The following ZNF521 variants were observed in gnomAD, a reference collection of about 807,000 sequenced individuals.
The protein encoded by ZNF521 is zinc finger protein 521.
ZNF521 carries 14 observed loss-of-function variants against 105.5 expected under a neutral mutation model. The ratio of observed to expected loss-of-function variants is 0.13; its 90% confidence interval spans 0.09 to 0.21. The LOEUF is 0.21. ZNF521 is among the 10% of genes least tolerant of loss of function. The pLI is 1.00. For missense variants in ZNF521, 1,233 were observed against 1,629.7 expected (o/e 0.76, Z 4.19); for synonymous variants, 635 against 606.0 (o/e 1.05, Z -0.70).
At chr18:25,333,082 A>G (rs1195713627) in intron 2 of ZNF521, among the ~76,000 whole-genome samples, 1 of 151,790 alleles carries the variant, frequency 6.6e-6, no homozygotes, top group African/African-American at 2.4e-5. Flanking sequence ...ATATGTATAT[A>G]TACATATATA....
At chr18:25,351,544 G>A (rs45579131) in intron 1 of ZNF521, 47,516 of 150,962 alleles carry the variant, frequency 0.31, 7,910 homozygotes, top group Middle Eastern at 0.36. Context: ...ACGAGGGGGG[G>A]AAATCGACCC....
At chr18:25,350,319 CGGTGCCCGCGGCCGGCGGCCGGGGTCT>C (rs1475738212) in intron 2 of ZNF521, among the ~76,000 whole-genome samples, 1 of 151,856 alleles carries the variant, frequency 6.6e-6, no homozygotes, top group Non-Finnish European at 1.5e-5. Context: ...AGCCGGGGTC[CGGTGCCCGCGGCCGGCGGCCGGGGTCT>C]GTTTACTCCG....
intron 4 of ZNF521, among the ~76,000 whole-genome samples, chr18:25,214,667 A>G (rs540424906): frequency 2.0e-5 from 3 of 152,300 alleles, no homozygotes; most frequent in South Asian, 4.1e-4. Context: ...TTTAAAATGT[A>G]TGATTTTAAG....
intron 3 of ZNF521, among the ~76,000 whole-genome samples, chr18:25,271,424 T>C (rs899311314): frequency 1.3e-5 from 2 of 151,996 alleles, no homozygotes; most frequent in African/African-American, 4.8e-5. Flanking sequence ...CTACTTGAAA[T>C]TTCATATGGA....
chr18:25,159,107 G>A (rs1361023533), intron 5 of ZNF521, among the ~76,000 whole-genome samples: 3 of 152,098 alleles, frequency 2.0e-5, no homozygotes, highest in Non-Finnish European at 4.4e-5. Context: ...TTGCCCGGTT[G>A]CCCCCATTCA....
intron 3 of ZNF521, among the ~76,000 whole-genome samples, chr18:25,272,036 G>C (rs1041768481): frequency 1.3e-5 from 2 of 152,052 alleles, no homozygotes; most frequent in Non-Finnish European, 2.9e-5. Context: ...CTAATATCCT[G>C]AATCTACAAA....
At chr18:25,296,385 AT>A (rs1427796900) in intron 3 of ZNF521, among the ~76,000 whole-genome samples, 1 of 152,136 alleles carries the variant, frequency 6.6e-6, no homozygotes, top group Admixed American at 6.5e-5. Context: ...TTCAGCATCA[AT>A]TTCATATATG....
At chr18:25,224,147 C>G in intron 4 of ZNF521, 198 bp downstream of exon 4, 1 of 594,830 alleles carries the variant, frequency 1.7e-6, no homozygotes, top group Admixed American at 3.0e-5. Flanking sequence ...CTATTTTGCA[C>G]CATTCAAGCC....
intron 5 of ZNF521, among the ~76,000 whole-genome samples, chr18:25,149,298 T>C (rs2035002903): frequency 6.6e-6 from 1 of 152,212 alleles, no homozygotes; most frequent in African/African-American, 2.4e-5. Context: ...TCAGTCTGCG[T>C]GTGTTATGGG....
chr18:25,317,273 G>T (rs7236481), intron 3 of ZNF521, among the ~76,000 whole-genome samples: 125,169 of 152,050 alleles, frequency 0.82, 51,860 homozygotes, highest in African/African-American at 0.92. Flanking sequence ...TTTAAAAAAT[G>T]TAACTCATAA....
chr18:25,340,746 G>T (rs903753957), intron 2 of ZNF521, among the ~76,000 whole-genome samples: 1 of 152,130 alleles, frequency 6.6e-6, no homozygotes, highest in Non-Finnish European at 1.5e-5. Context: ...TTAGTATAGG[G>T]CAGGCAACTG....
At chr18:25,209,279 G>A (rs910355194) in intron 4 of ZNF521, among the ~76,000 whole-genome samples, 6 of 151,758 alleles carry the variant, frequency 4.0e-5, no homozygotes, top group Admixed American at 2.0e-4. Flanking sequence ...CTACAGGCGC[G>A]CGCCACCACA....
rs148728045 is a variant in ZNF521 at position 25,242,713 on chromosome 18, G to A, written c.221-15016C>T. 2.6e-3 allele frequency among the ~76,000 whole-genome samples: 391 copies of A among 152,244 alleles called. 3 individuals carry two copies. The highest frequency in any genetic ancestry group is 6.8e-3 in the Middle Eastern group (2 of 294). On this transcript the variant is annotated intron_variant, in intron 3 of 7. Transcript: ENST00000361524. ...TTTTCTCATTGTTTAGCTATCGAATGTAGTGGGTGATTCTTGTTCTATACT... is the reference window on the plus strand; with the variant it reads ...TTTTCTCATTGTTTAGCTATCGAATATAGTGGGTGATTCTTGTTCTATACT...
At chr18:25,343,869 A>G (rs993918755) in intron 2 of ZNF521, among the ~76,000 whole-genome samples, 8 of 152,222 alleles carry the variant, frequency 5.3e-5, no homozygotes, top group African/African-American at 1.9e-4. Flanking sequence ...TTACACAGTC[A>G]TATTGGAATC....
chr18:25,084,732 G>T (rs1412786283), intron 7 of ZNF521, among the ~76,000 whole-genome samples: 2 of 152,144 alleles, frequency 1.3e-5, no homozygotes, highest in African/African-American at 4.8e-5. Context: ...TTTATAACAA[G>T]AGGCCTGACA....
intron 7 of ZNF521, 115 bp from the exon 8 acceptor site, chr18:25,062,856 T>A (rs895758503): frequency 9.9e-7 from 1 of 1,005,544 alleles, no homozygotes; most frequent in Non-Finnish European, 1.4e-6. Context: ...TGTAATTAAT[T>A]CATAATGACT....
intron 3 of ZNF521, chr18:25,303,101 A>G (rs1337757070): frequency 6.6e-6 from 1 of 152,146 alleles, no homozygotes; most frequent in East Asian, 1.9e-4. Flanking sequence ...ACATGGTGAC[A>G]TGAACTCTGG....
chr18:25,099,847 C>G (rs1040786719), intron 5 of ZNF521, among the ~76,000 whole-genome samples: 1 of 152,304 alleles, frequency 6.6e-6, no homozygotes, highest in South Asian at 2.1e-4. Context: ...AAAACCCCCA[C>G]AAATTGGTAA....
At chr18:25,095,639 A>G (rs1393972135) in intron 5 of ZNF521, among the ~76,000 whole-genome samples, 2 of 152,130 alleles carry the variant, frequency 1.3e-5, no homozygotes, top group Non-Finnish European at 2.9e-5. Context: ...ACCTTTTCTA[A>G]ACCCTATTAA....
Sources: allele counts gnomAD v4.1 joint callset (sites outside exome capture counted in the v4.1 genomes callset), GRCh38; gene constraint gnomAD v4.1.1; transcripts MANE v1.5; gene names NCBI Gene and HGNC (gene_info 2026-07-23, HGNC 2026-07-21).